AFAP1: variants seen among roughly 807,000 people sequenced by gnomAD.
The protein encoded by AFAP1 is actin filament associated protein 1.
In AFAP1, 75 loss-of-function variants were observed where a neutral mutation model predicts 93.9. The observed-to-expected ratio is 0.80, with a 90% CI of 0.66 to 0.97. The LOEUF is 0.97. AFAP1 is among the 50% of genes least tolerant of loss of function. The pLI is 0.00. For missense variants in AFAP1, 1,201 were observed against 1,050.8 expected, an observed-to-expected ratio of 1.14 and a Z score of -1.98; for synonymous variants, 517 against 430.7, an observed-to-expected ratio of 1.20 and a Z score of -2.48.
rs557204381 is a variant in AFAP1, at chr4:7,852,956, C to T, written c.334+2510G>A. Among the ~76,000 whole-genome samples the T allele has an allele frequency of 5.3e-5, 8 of 152,204 alleles. No individual in the cohort carries two copies. The East Asian group carries it at 1.4e-3, about 26-fold the overall frequency. On this transcript the variant is annotated intron_variant, in intron 4 of 17. Coordinates refer to ENST00000420658, the MANE Select transcript of AFAP1 (RefSeq NM_001134647.2). The stretch of plus-strand genomic sequence containing the variant: ...GGACAAAGGGGCTCTGTCTCCTCTG[C>T]GGGGAGTTGGGGAATTTCCCGTCAC...
chr4:7,862,629 T>G (rs897432533), intron 3 of AFAP1, among the ~76,000 whole-genome samples: 1 of 152,178 alleles, frequency 6.6e-6, no homozygotes, highest in Non-Finnish European at 1.5e-5. Context: ...AAAAGGAAAC[T>G]TGGCTATAAT....
intron 8 of AFAP1, among the ~76,000 whole-genome samples, chr4:7,812,110 C>G (rs1720097351): frequency 6.6e-6 from 1 of 152,052 alleles, no homozygotes; most frequent in Non-Finnish European, 1.5e-5. Flanking sequence ...TCAACCAAAC[C>G]AAGAGGGACA....
intron 3 of AFAP1, among the ~76,000 whole-genome samples, chr4:7,863,876 G>A (rs1417151564): frequency 7.5e-6 from 1 of 133,228 alleles, no homozygotes; most frequent in African/African-American, 2.8e-5. Context: ...TTCAACGCAT[G>A]GGAAATAGAA....
In AFAP1 at chr4:7,800,606, G is replaced by C. The variant is rs1250289407; in HGVS notation, c.1102C>G (p.Arg368Gly). 6.2e-7 allele frequency: 1 copy of C among 1,614,122 alleles called. No individual in the cohort carries two copies. The highest frequency in any genetic ancestry group is 8.5e-7 in the Non-Finnish European group (1 of 1,180,024). The change falls in exon 10 of 18, where the codon CGA becomes GGA. Residue 368 changes from arginine to glycine, a missense_variant. Coordinates refer to ENST00000420658, the MANE Select transcript of AFAP1 (RefSeq NM_001134647.2). ...SNSRWRERWC[R>G]VKDNKLIFHK... ...AAAATGAGCTTGTTATCTTTCACTC[G>C]GCACCAGCGCTCTCGCCAGCGGCTG...
At chr4:7,794,389 CTG>C (rs1351377155) in intron 10 of AFAP1, among the ~76,000 whole-genome samples, 1 of 152,218 alleles carries the variant, frequency 6.6e-6, no homozygotes, top group African/African-American at 2.4e-5. Context: ...AAATGACACT[CTG>C]TAATCACTGG....
At position 7,790,369 on chromosome 4, in the gene AFAP1, T is replaced by C. The variant is rs539915357; in HGVS notation, c.1412+3312A>G. Among the ~76,000 whole-genome samples the C allele has an allele frequency of 9.2e-5, 14 of 152,362 alleles. 1 individual carries two copies. In the East Asian group the frequency reaches 2.7e-3, roughly 29 times the overall value. ...AATAAATATTTTTAGTGTTATAATCTACATTCCTTTCTCAAAAATGTGACC... is the reference window on the plus strand; with the variant it reads ...AATAAATATTTTTAGTGTTATAATCCACATTCCTTTCTCAAAAATGTGACC... On this transcript the variant is annotated intron_variant, in intron 11 of 17. Coordinates refer to ENST00000420658, the MANE Select transcript of AFAP1 (RefSeq NM_001134647.2).
At chr4:7,806,238 G>A (rs1298107633) in intron 9 of AFAP1, among the ~76,000 whole-genome samples, 4 of 152,336 alleles carry the variant, frequency 2.6e-5, no homozygotes, top group Admixed American at 6.5e-5. Flanking sequence ...TTAGGCGGGC[G>A]GACCTGGCCA....
chr4:7,760,289 A>G lies in AFAP1; in HGVS notation c.*3476T>C, dbSNP rs918195282. 1.3e-5 allele frequency: 2 copies of G among 152,240 alleles called. No individual in the cohort carries two copies. The highest frequency in any genetic ancestry group is 4.8e-5 in the African/African-American group (2 of 41,470). 9.4% of individuals were successfully genotyped at this position (152,240 alleles called of 1,614,324 possible). The stretch of plus-strand genomic sequence containing the variant: ...GCCAGTAATAATTCTGGGATGAGTA[A>G]GATACAGGGGAAGGTTAAGCCTGGC... On this transcript the variant is annotated 3_prime_UTR_variant, in exon 18 of 18. Transcript: ENST00000420658.
chr4:7,898,950 G>T (rs1421077090), intron 1 of AFAP1, among the ~76,000 whole-genome samples: 2 of 149,070 alleles, frequency 1.3e-5, no homozygotes, highest in African/African-American at 4.9e-5. Context: ...TATATATAAT[G>T]TGTATATATA....
intron 1 of AFAP1, among the ~76,000 whole-genome samples, chr4:7,929,458 T>C (rs1219500263): frequency 2.0e-5 from 3 of 152,238 alleles, no homozygotes; most frequent in Non-Finnish European, 2.9e-5. Flanking sequence ...TGGGGCTGGC[T>C]GGCTGTAATC....
intron 3 of AFAP1, among the ~76,000 whole-genome samples, chr4:7,867,107 AGAGGGGAGGG>A (rs1560209619): frequency 5.0e-5 from 2 of 39,788 alleles, no homozygotes; most frequent in Non-Finnish European, 9.5e-5. Context: ...AGAGGGGAGT[AGAGGGGAGGG>A]GAGGGTAGGG....
intron 9 of AFAP1, among the ~76,000 whole-genome samples, chr4:7,808,427 G>C (rs1228248553): frequency 6.6e-6 from 1 of 151,918 alleles, no homozygotes; most frequent in Non-Finnish European, 1.5e-5. Flanking sequence ...GTGGTAACTG[G>C]GCTTGTACTT....
chr4:7,792,877 A>G (rs886405161), intron 11 of AFAP1, among the ~76,000 whole-genome samples: 3 of 152,192 alleles, frequency 2.0e-5, no homozygotes, highest in Non-Finnish European at 2.9e-5. Context: ...TTCTTTGACT[A>G]TTTACATTGG....
intron 10 of AFAP1, 137 bp downstream of exon 10, chr4:7,800,305 G>GA: frequency 1.1e-6 from 1 of 875,468 alleles, no homozygotes; most frequent in South Asian, 1.6e-5. Flanking sequence ...GGCAGTGAGA[G>GA]AAAAGAGGGT....
At chr4:7,829,253 A>G (rs941510514) in intron 6 of AFAP1, among the ~76,000 whole-genome samples, 5 of 152,202 alleles carry the variant, frequency 3.3e-5, no homozygotes, top group Admixed American at 6.5e-5. Context: ...TCTCCACACA[A>G]TACTGGCTCC....
rs1346456026 is a variant in AFAP1, at chr4:7,778,866, T to C, written c.1793A>G (p.Lys598Arg). The change falls in exon 14 of 18, where the codon AAA becomes AGA. Residue 598 changes from lysine (K) to arginine (R), a missense_variant. Coordinates refer to ENST00000420658, the MANE Select transcript of AFAP1 (RefSeq NM_001134647.2). ...SLGLNSQLKGKKPPVASNGVT... is the reference protein window; with the variant it reads ...SLGLNSQLKGRKPPVASNGVT... The stretch of plus-strand genomic sequence containing the variant: ...CCCATTAGACGCCACGGGGGGCTTT[T>C]TACCCTTGAGCTGTTGAAATAAACA... 36 of 1,611,154 alleles carry C rather than the reference T, an allele frequency of 2.2e-5. No individual in the cohort carries two copies. The highest frequency in any genetic ancestry group is 2.9e-5 in the Non-Finnish European group (34 of 1,177,554).
chr4:7,794,086 G>A (rs1401235934), intron 10 of AFAP1, among the ~76,000 whole-genome samples: 1 of 152,198 alleles, frequency 6.6e-6, no homozygotes, highest in East Asian at 1.9e-4. Flanking sequence ...TGTGGGGAAA[G>A]GCACTAGGGT....
At chr4:7,823,178 T>C (rs1721124954) in intron 6 of AFAP1, among the ~76,000 whole-genome samples, 1 of 152,068 alleles carries the variant, frequency 6.6e-6, no homozygotes, top group African/African-American at 2.4e-5. Flanking sequence ...TGTGCTCGTG[T>C]TCATGGGAGG....
chr4:7,801,919 A>C lies in AFAP1; in HGVS notation c.1055-1266T>G, dbSNP rs1411135967. ...AACACAGTGAGACCCTATCACAAAA[A>C]AAAAAAAAAAAAAAAAAAAAAAACT... On this transcript the variant is annotated intron_variant, in intron 9 of 17. Coordinates refer to ENST00000420658, the MANE Select transcript of AFAP1 (RefSeq NM_001134647.2). Among the ~76,000 whole-genome samples the C allele has an allele frequency of 5.7e-5, 6 of 104,950 alleles. 1 individual carries two copies. Among genetic ancestry groups the C allele is most frequent in the Admixed American group, 1.9e-4 (2 of 10,688 alleles). The allele number at this position is 104,950 out of a possible 152,430, so 68.9% of individuals were successfully genotyped here.
Sources: gnomAD v4.1 joint callset for allele counts (sites outside exome capture counted in the v4.1 genomes callset) on GRCh38, gnomAD v4.1.1 for gene constraint, MANE v1.5 for transcripts, NCBI Gene and HGNC (gene_info 2026-07-23, HGNC 2026-07-21) for gene names.